BAZ1A: variants seen among roughly 807,000 people sequenced by gnomAD.
The protein encoded by BAZ1A is bromodomain adjacent to zinc finger domain 1A, also known as bromodomain adjacent to zinc finger domain protein 1A.
BAZ1A carries 50 observed loss-of-function variants against 185.2 expected under a neutral mutation model. The observed-to-expected ratio is 0.27, with a 90% confidence interval of 0.22 to 0.34. The LOEUF is 0.34. Ranked by LOEUF, BAZ1A falls within the 10% of genes least tolerant of loss-of-function variation. The probability of loss-of-function intolerance (pLI) is 1.00; values close to 1 mark genes in which losing one functional copy is unlikely to be tolerated. For synonymous variants in BAZ1A, 571 were observed against 615.6 expected (o/e 0.93, Z 1.07); for missense variants, 1,356 against 1,839.9 (o/e 0.74, Z 4.81).
Position 34,771,610 on chromosome 14 carries a change from T to C in BAZ1A, c.3202A>G (p.Ser1068Gly), listed in dbSNP as rs752117543. Residue 1068 changes from serine (S) to glycine (G), a missense_variant, in exon 21 of 27, where the codon AGT (serine) becomes GGT (glycine). By Grantham distance (56) the Ser-to-Gly change is moderately conservative. Transcript: ENST00000360310. ...ETPSTVSTNASTPQSVSSVVH... is the reference protein window; with the variant it reads ...ETPSTVSTNAGTPQSVSSVVH... ...ACACTGCTCACTGATTGTGGTGTAC[T>C]TGCATTTGTTGATACAGTACTTGGA... 2 of 1,614,178 alleles carry C rather than the reference T, an allele frequency of 1.2e-6. No homozygotes were observed. Among genetic ancestry groups the C allele is most frequent in the Non-Finnish European group, 1.7e-6 (2 of 1,180,018 alleles).
At chr14:34,815,158 A>G (rs1403965311) in intron 4 of BAZ1A, among the ~76,000 whole-genome samples, 2 of 152,236 alleles carry the variant, frequency 1.3e-5, no homozygotes, top group Non-Finnish European at 1.5e-5. Flanking sequence ...TTCTTGCCGT[A>G]CCATGAAATT....
chr14:34,770,526 A>G (rs1413649499), intron 21 of BAZ1A, among the ~76,000 whole-genome samples: 1 of 152,240 alleles, frequency 6.6e-6, no homozygotes, highest in Non-Finnish European at 1.5e-5. Flanking sequence ...ATGGTTTAAG[A>G]AAGTTATTTC....
Position 34,796,318 on chromosome 14 carries a change from G to A in BAZ1A, c.1129-553C>T, listed in dbSNP as rs538135872. Reference sequence around the variant, plus strand: ...ACTGAGATCACACCACTGCACTCCCGCCTGGGCAGCTCTTGAATAAATATT... The same window carrying A: ...ACTGAGATCACACCACTGCACTCCCACCTGGGCAGCTCTTGAATAAATATT... On this transcript the variant is annotated intron_variant, in intron 9 of 26. Transcript: ENST00000360310. Among the ~76,000 whole-genome samples the A allele has an allele frequency of 7.2e-5, 11 of 152,220 alleles. No homozygotes were observed. The East Asian group carries it at 1.5e-3, about 21-fold the overall frequency.
chr14:34,800,271 G>T lies in BAZ1A; in HGVS notation c.1081C>A (p.Leu361Ile). 7.0e-7 allele frequency: 1 copy of T among 1,423,880 alleles called. No individual in the cohort carries two copies. Among genetic ancestry groups the T allele is most frequent in the Non-Finnish European group, 9.5e-7 (1 of 1,051,020 alleles). The allele number at this position is 1,423,880 out of a possible 1,614,324, so 88.2% of individuals were successfully genotyped here. Residue 361 changes from leucine to isoleucine, a missense_variant, in exon 9 of 27, where the codon CTA becomes ATA. Around this residue, in one of 7 missense-constraint regions of BAZ1A, gnomAD observed 184 missense variants for 355.1 expected, o/e 0.52. Coordinates refer to ENST00000360310, the MANE Select transcript of BAZ1A (RefSeq NM_013448.3). Reference protein sequence around the residue: ...ELKKIVEEERLKKKEEKERLK... With the variant: ...ELKKIVEEERIKKKEEKERLK... ...CTCTCTTTTTCTTCTTTTTTCTTTA[G>T]TCTCTCTTCTTCAACAATTTTTTTC...
At chr14:34,865,527 G>A (rs2042843792) in intron 2 of BAZ1A, among the ~76,000 whole-genome samples, 1 of 152,046 alleles carries the variant, frequency 6.6e-6, no homozygotes, top group African/African-American at 2.4e-5. Flanking sequence ...TCCAAAAATT[G>A]GGGGCAATTC....
At chr14:34,808,434 G>A (rs1349111243) in intron 5 of BAZ1A, among the ~76,000 whole-genome samples, 2 of 152,018 alleles carry the variant, frequency 1.3e-5, no homozygotes, top group African/African-American at 2.4e-5. Context: ...GGAGGCCGAG[G>A]GTGCAGTGAG....
chr14:34,867,914 A>G (rs925654324), intron 2 of BAZ1A, among the ~76,000 whole-genome samples: 8 of 152,210 alleles, frequency 5.3e-5, no homozygotes, highest in African/African-American at 1.9e-4. Flanking sequence ...GGTTGGTTAC[A>G]ATGCCTCTTC....
intron 6 of BAZ1A, among the ~76,000 whole-genome samples, chr14:34,804,154 C>T (rs548608515): frequency 4.6e-5 from 7 of 152,126 alleles, no homozygotes; most frequent in Admixed American, 6.6e-5. Flanking sequence ...ATTACAGGTG[C>T]GTGCCACCAC....
chr14:34,868,180 T>C (rs1311071163), intron 2 of BAZ1A, among the ~76,000 whole-genome samples: 3 of 152,208 alleles, frequency 2.0e-5, no homozygotes, highest in Non-Finnish European at 2.9e-5. Context: ...ACTATACCTG[T>C]ATTTTTAGGT....
intron 3 of BAZ1A, among the ~76,000 whole-genome samples, chr14:34,840,796 CA>C (rs1270123849): frequency 7.5e-6 from 1 of 132,658 alleles, no homozygotes; most frequent in African/African-American, 2.8e-5. Context: ...AACAAACAAA[CA>C]AAAAACTTAT....
At chr14:34,845,272 T>C (rs1029538691) in intron 3 of BAZ1A, 1 of 87,868 alleles carries the variant, frequency 1.1e-5, no homozygotes, top group African/African-American at 3.4e-5. Flanking sequence ...CTTCAACTTT[T>C]TCTTTTTTTT....
intron 3 of BAZ1A, among the ~76,000 whole-genome samples, chr14:34,853,114 C>T (rs1200409): frequency 0.11 from 17,344 of 152,122 alleles, 1,222 homozygotes; most frequent in Non-Finnish European, 0.17. Flanking sequence ...AAGTTCTTGC[C>T]TCCCATCTAC....
chr14:34,792,681 G>A, intron 12 of BAZ1A, 94 bp downstream of exon 12: 1 of 1,365,186 alleles, frequency 7.3e-7, no homozygotes, highest in Non-Finnish European at 1.0e-6. Flanking sequence ...TATTTTATAA[G>A]CATAAAAGCC....
chr14:34,790,178 T>C (rs946038769), intron 12 of BAZ1A, among the ~76,000 whole-genome samples: 5 of 151,760 alleles, frequency 3.3e-5, no homozygotes, highest in Non-Finnish European at 7.4e-5. Context: ...CTTTTTTTTT[T>C]TTTTCCCTTT....
intron 9 of BAZ1A, among the ~76,000 whole-genome samples, chr14:34,796,193 T>TACACACAC (rs1881189411): frequency 9.3e-6 from 1 of 107,526 alleles, no homozygotes; most frequent in Non-Finnish European, 2.0e-5. Flanking sequence ...CACACACACA[T>TACACACAC]ATATGCATGC....
rs758916507 is a variant in BAZ1A at position 34,783,906 on chromosome 14, T to A, written c.1853A>T (p.His618Leu). 6.3e-7 allele frequency: 1 copy of A among 1,593,642 alleles called. No homozygotes were observed. The highest frequency in any genetic ancestry group is 8.5e-7 in the Non-Finnish European group (1 of 1,174,198). ...GGTCAGTAGCTTTCCACAGAGAGCA[T>A]GGAGTATCTTCATTTTTTCTCCTGT... is the stretch of plus-strand genomic sequence containing the variant. ...LTPGEKMKIL[H>L]ALCGKLLTLV... is the part of the protein sequence containing the mutation. The change falls in exon 15 of 27, where the codon CAT becomes CTT. Residue 618 changes from histidine (H) to leucine (L), a missense_variant. His to Leu is a moderately conservative substitution (Grantham distance 99). Transcript: ENST00000360310.
chr14:34,847,032 C>T lies in BAZ1A; in HGVS notation c.392+15012G>A, dbSNP rs1033194365. On this transcript the variant is annotated intron_variant, in intron 3 of 26. Coordinates refer to ENST00000360310, the MANE Select transcript of BAZ1A (RefSeq NM_013448.3). ...TTGGGAGGCTGAAGTGGGTGTATCACCTGAGGTCAGGAGTTCAAGACCAGC... is the reference window on the plus strand; with the variant it reads ...TTGGGAGGCTGAAGTGGGTGTATCATCTGAGGTCAGGAGTTCAAGACCAGC... Among the ~76,000 whole-genome samples, 5 of 152,134 alleles carry T rather than the reference C, an allele frequency of 3.3e-5. No individual in the cohort carries two copies. The East Asian group carries it at 7.7e-4, about 23-fold the overall frequency.
chr14:34,798,023 C>T (rs1881298281), intron 9 of BAZ1A, among the ~76,000 whole-genome samples: 1 of 152,262 alleles, frequency 6.6e-6, no homozygotes, highest in African/African-American at 2.4e-5. Context: ...GATTATATCC[C>T]GTGCCTGGCT....
chr14:34,769,984 G>C (rs899712669), intron 21 of BAZ1A, among the ~76,000 whole-genome samples: 1 of 152,090 alleles, frequency 6.6e-6, no homozygotes, highest in African/African-American at 2.4e-5. Flanking sequence ...TGTGGCCAGT[G>C]GGTTATTAAG....
Sources: allele counts gnomAD v4.1 joint callset (sites outside exome capture counted in the v4.1 genomes callset), GRCh38; gene constraint gnomAD v4.1.1; regional missense constraint gnomAD v4.1.1; transcripts MANE v1.5; gene names NCBI Gene and HGNC (gene_info 2026-07-23, HGNC 2026-07-21).